Variants in MCCC1 observed in about 807,000 individuals in gnomAD.
MCCC1 encodes methylcrotonyl-CoA carboxylase subunit 1.
MCCC1 carries 64 observed loss-of-function variants against 83.8 expected under a neutral mutation model. The observed-to-expected ratio is 0.76, with a 90% CI of 0.62 to 0.94. MCCC1 has a LOEUF of 0.94. Among genes scored for constraint, MCCC1 ranks in the 40% least tolerant of loss-of-function variants. The pLI is 0.00. For synonymous variants in MCCC1, 322 were observed against 315.4 expected (o/e 1.02, Z -0.22); for missense variants, 807 against 904.7 (o/e 0.89, Z 1.39).
At chr3:183,109,293 T>C (rs1000784713) in intron 1 of MCCC1, among the ~76,000 whole-genome samples, 3 of 151,866 alleles carry the variant, frequency 2.0e-5, no homozygotes, top group Non-Finnish European at 4.4e-5. Context: ...TGCCTGGCCA[T>C]GTGTAGGTTA....
chr3:183,114,663 A>T (rs1047273175), intron 1 of MCCC1, among the ~76,000 whole-genome samples: 8 of 152,220 alleles, frequency 5.3e-5, no homozygotes, highest in Non-Finnish European at 1.5e-5. Flanking sequence ...GAAGGGGAAG[A>T]ATCTTCACAG....
At chr3:183,115,011 T>C (rs79284924) in intron 1 of MCCC1, among the ~76,000 whole-genome samples, 37 of 152,218 alleles carry the variant, frequency 2.4e-4, no homozygotes, top group African/African-American at 8.7e-4. Context: ...CGCCTGGCTT[T>C]GTTTCAGGGG....
At chr3:183,068,610 A>G (rs1351051863) in intron 7 of MCCC1, among the ~76,000 whole-genome samples, 1 of 152,242 alleles carries the variant, frequency 6.6e-6, no homozygotes, top group African/African-American at 2.4e-5. Context: ...AAAAGAAGTT[A>G]TTACTAGAAA....
At chr3:183,093,970 G>A (rs1356942651) in intron 2 of MCCC1, among the ~76,000 whole-genome samples, 1 of 152,038 alleles carries the variant, frequency 6.6e-6, no homozygotes, top group Non-Finnish European at 1.5e-5. Context: ...ACACTAAGAG[G>A]GTCAAATGGA....
chr3:183,037,742 T>C (rs921718723), intron 12 of MCCC1, among the ~76,000 whole-genome samples: 3 of 152,194 alleles, frequency 2.0e-5, no homozygotes, highest in African/African-American at 7.2e-5. Context: ...GTTAGGAACA[T>C]AATAAATGTT....
chr3:183,049,548 G>A (rs1714801315), intron 9 of MCCC1, among the ~76,000 whole-genome samples: 2 of 150,016 alleles, frequency 1.3e-5, no homozygotes, highest in South Asian at 2.1e-4. Context: ...CTCCAGCCTG[G>A]CGACAGAATG....
At chr3:183,112,482 G>A (rs1328089182) in intron 1 of MCCC1, among the ~76,000 whole-genome samples, 2 of 151,678 alleles carry the variant, frequency 1.3e-5, no homozygotes, top group Non-Finnish European at 2.9e-5. Context: ...TCATGCATAT[G>A]AGTTTTTCTC....
intron 1 of MCCC1, among the ~76,000 whole-genome samples, chr3:183,114,606 AAAG>A (rs369662977): frequency 4.1e-4 from 63 of 152,300 alleles, no homozygotes; most frequent in African/African-American, 1.4e-3. Context: ...TTATGGTGTG[AAAG>A]AAGAAGTAAG....
intron 3 of MCCC1, among the ~76,000 whole-genome samples, chr3:183,088,210 GTT>G (rs1553866733): frequency 6.4e-5 from 9 of 139,656 alleles, no homozygotes; most frequent in Admixed American, 3.5e-4. Context: ...GTTGTTGTGT[GTT>G]TTTTTTTTTT....
chr3:183,047,870 G>A (rs1031548661), intron 9 of MCCC1, among the ~76,000 whole-genome samples: 1 of 152,174 alleles, frequency 6.6e-6, no homozygotes, highest in African/African-American at 2.4e-5. Context: ...TACGCAGAAC[G>A]AGAATACCAG....
In MCCC1 at chr3:183,105,161, A is replaced by G. The variant is rs372404705; in HGVS notation, c.-102+10313T>C. 2.6e-5 allele frequency among the ~76,000 whole-genome samples: 4 copies of G among 152,306 alleles called. No homozygotes were observed. The East Asian group carries it at 7.7e-4, about 29-fold the overall frequency. On this transcript the variant is annotated intron_variant, in intron 1 of 17. Coordinates refer to the MCCC1 transcript ENST00000492597. ...GGAGTTCGAGACTATCCTGACCAAC[A>G]TGGAGAAACCCCATCTCTAGTAAAA...
upstream of MCCC1, among the ~76,000 whole-genome samples, chr3:183,102,997 G>T (rs1719342872): frequency 6.6e-6 from 1 of 151,624 alleles, no homozygotes; most frequent in African/African-American, 2.4e-5. Context: ...GTCTGGAATT[G>T]GTGGGTTCTT....
rs372364588 is a variant in MCCC1, at chr3:183,017,383, C to T, written c.1978-46G>A. On this transcript the variant is annotated intron_variant, in intron 17 of 18. Coordinates refer to ENST00000265594, the MANE Select transcript of MCCC1 (RefSeq NM_020166.5). ...GTTAATATTTGAAAACACAGAGGTC[C>T]TAGATATGTTCATCTGCTTCATTAT... The T allele has an allele frequency of 2.3e-5, 36 of 1,579,486 alleles. No individual in the cohort carries two copies. In the African/African-American group the frequency reaches 4.3e-4, roughly 19 times the overall value.
intron 12 of MCCC1, among the ~76,000 whole-genome samples, chr3:183,038,015 A>G (rs559336003): frequency 6.6e-6 from 1 of 152,356 alleles, no homozygotes; most frequent in African/African-American, 2.4e-5. Flanking sequence ...CTTTGGGTTC[A>G]TTCATTCACT....
At chr3:183,050,638 G>A (rs76565219) in intron 9 of MCCC1, among the ~76,000 whole-genome samples, 3,853 of 147,274 alleles carry the variant, frequency 0.026, 340 homozygotes, top group East Asian at 0.21. Flanking sequence ...CCTGGGAGGC[G>A]GAGGTTGCAG....
upstream of MCCC1, chr3:183,099,605 C>A (rs566439103): frequency 6.3e-6 from 5 of 788,110 alleles, no homozygotes; most frequent in South Asian, 5.0e-5. Flanking sequence ...TCTCCACGAA[C>A]ACCAATCAAA....
rs2108501839 is a variant in MCCC1, at chr3:183,054,833, TTA to T, written c.873+2476_873+2477del. Among the ~76,000 whole-genome samples the T allele has an allele frequency of 2.0e-5, 3 of 152,262 alleles. No individual in the cohort carries two copies. In the South Asian group the frequency reaches 6.2e-4, roughly 32 times the overall value. On this transcript the variant is annotated intron_variant, in intron 8 of 18. Transcript: ENST00000265594. ...TATTTTTACTGTACCTTTTCTACGT[TTA>T]TATATGTTTAGATACACAAATACTT... is the stretch of plus-strand genomic sequence containing the variant.
chr3:183,033,067 C>T (rs1384224652), intron 14 of MCCC1, among the ~76,000 whole-genome samples: 1 of 152,150 alleles, frequency 6.6e-6, no homozygotes. Flanking sequence ...AGCCAGGATT[C>T]TGAGCTCTGA....
intron 14 of MCCC1, among the ~76,000 whole-genome samples, chr3:183,029,780 C>T (rs185752267): frequency 9.0e-4 from 137 of 152,248 alleles, no homozygotes; most frequent in Non-Finnish European, 1.6e-3. Flanking sequence ...TGCATCTCTT[C>T]CTTCCATTCC....
Sources: allele counts gnomAD v4.1 joint callset (sites outside exome capture counted in the v4.1 genomes callset), GRCh38; gene constraint gnomAD v4.1.1; transcripts MANE v1.5; gene names NCBI Gene and HGNC (gene_info 2026-07-23, HGNC 2026-07-21).